Variants in SIPA1L2 observed in about 807,000 individuals in gnomAD.
The protein encoded by SIPA1L2 is signal-induced proliferation-associated 1-like protein 2.
Under a neutral mutation model 163.9 loss-of-function variants are expected in SIPA1L2, and 56 were observed. The observed-to-expected ratio is 0.34, with a 90% CI of 0.28 to 0.43. SIPA1L2 has a LOEUF of 0.43. SIPA1L2 is among the 20% of genes least tolerant of loss of function. SIPA1L2 has a pLI of 1.00. For synonymous variants in SIPA1L2, 877 were observed against 865.7 expected, an observed-to-expected ratio of 1.01 and a Z score of -0.23; for missense variants, 1,974 against 2,193.5, an observed-to-expected ratio of 0.90 and a Z score of 2.00.
intron 12 of SIPA1L2, among the ~76,000 whole-genome samples, chr1:232,442,400 T>C (rs7544621): frequency 0.011 from 1,697 of 151,612 alleles, 31 homozygotes; most frequent in African/African-American, 0.036. Context: ...ATACAAAAAT[T>C]AGCCAGGCGT....
At chr1:232,476,336 C>T (rs1469983195) in intron 7 of SIPA1L2, among the ~76,000 whole-genome samples, 1 of 152,124 alleles carries the variant, frequency 6.6e-6, no homozygotes, top group Admixed American at 6.6e-5. Flanking sequence ...CTCCACGAGG[C>T]GTCAGGTACC....
chr1:232,628,608 C>A (rs1291873076), intron 1 of SIPA1L2, among the ~76,000 whole-genome samples: 1 of 152,172 alleles, frequency 6.6e-6, no homozygotes, highest in Non-Finnish European at 1.5e-5. Flanking sequence ...AAATAATAGG[C>A]CACCTCTCAA....
At chr1:232,415,662 C>T in intron 18 of SIPA1L2, 37 bp from the exon 19 acceptor site, 1 of 1,612,972 alleles carries the variant, frequency 6.2e-7, no homozygotes, top group Non-Finnish European at 8.5e-7. Flanking sequence ...AGTCATCAGT[C>T]ACAGCACGGG....
rs113820274 is a variant in SIPA1L2, at chr1:232,436,323, G to A, written c.4031+2785C>T. Among the ~76,000 whole-genome samples the A allele has an allele frequency of 3.3e-5, 5 of 152,360 alleles. 1 individual carries two copies. The highest frequency in any genetic ancestry group is 1.2e-4 in the African/African-American group (5 of 41,594). On this transcript the variant is annotated intron_variant, in intron 15 of 22. Coordinates refer to ENST00000674635, the MANE Select transcript of SIPA1L2 (RefSeq NM_020808.5). ...TCCAGTGAGGAGAAGGTGGCGATAAGTGGCCTTCTTGTGGGAAGGAATATG... is the reference window on the plus strand; with the variant it reads ...TCCAGTGAGGAGAAGGTGGCGATAAATGGCCTTCTTGTGGGAAGGAATATG...
chr1:232,524,562 T>A (rs1224767350), intron 2 of SIPA1L2, among the ~76,000 whole-genome samples: 1 of 152,110 alleles, frequency 6.6e-6, no homozygotes, highest in Non-Finnish European at 1.5e-5. Context: ...TAAAAACTTA[T>A]ATAGAAAAAT....
chr1:232,512,489 G>C (rs550951994), intron 3 of SIPA1L2, among the ~76,000 whole-genome samples: 7 of 152,244 alleles, frequency 4.6e-5, no homozygotes, highest in African/African-American at 1.2e-4. Context: ...ATCAATGATA[G>C]ACTAGATAAA....
At chr1:232,410,002 T>C (rs1298697757) in intron 19 of SIPA1L2, among the ~76,000 whole-genome samples, 1 of 152,236 alleles carries the variant, frequency 6.6e-6, no homozygotes, top group African/African-American at 2.4e-5. Flanking sequence ...AACTTCATTT[T>C]GATCTTTTGT....
chr1:232,405,622 T>C (rs1451396184), intron 19 of SIPA1L2, among the ~76,000 whole-genome samples: 1 of 152,116 alleles, frequency 6.6e-6, no homozygotes, highest in African/African-American at 2.4e-5. Context: ...GCCCAGAATA[T>C]GGGAACACAT....
At chr1:232,444,829 C>T (rs1663114645) in intron 11 of SIPA1L2, among the ~76,000 whole-genome samples, 1 of 152,164 alleles carries the variant, frequency 6.6e-6, no homozygotes, top group African/African-American at 2.4e-5. Context: ...GTCTATCAGA[C>T]CAGAGCCTGA....
intron 2 of SIPA1L2, among the ~76,000 whole-genome samples, chr1:232,556,792 A>G (rs901635514): frequency 6.6e-6 from 1 of 151,994 alleles, no homozygotes; most frequent in East Asian, 1.9e-4. Flanking sequence ...CTGCAAAAAG[A>G]TAAGACAATT....
chr1:232,593,534 G>C (rs1661074428), intron 1 of SIPA1L2, among the ~76,000 whole-genome samples: 1 of 152,128 alleles, frequency 6.6e-6, no homozygotes, highest in Non-Finnish European at 1.5e-5. Context: ...TTTTAGTTTG[G>C]TTTCAGAATT....
At chr1:232,410,715 A>G (rs1660902498) in intron 19 of SIPA1L2, among the ~76,000 whole-genome samples, 1 of 152,178 alleles carries the variant, frequency 6.6e-6, no homozygotes, top group African/African-American at 2.4e-5. Context: ...TGCTCCCTGC[A>G]ACGTTTTCTT....
At chr1:232,505,842 C>T (rs1329339960) in intron 3 of SIPA1L2, among the ~76,000 whole-genome samples, 1 of 152,074 alleles carries the variant, frequency 6.6e-6, no homozygotes, top group Non-Finnish European at 1.5e-5. Flanking sequence ...GAATGTGTAT[C>T]TTAGAATAGT....
intron 19 of SIPA1L2, among the ~76,000 whole-genome samples, chr1:232,409,219 C>A (rs1181908963): frequency 6.6e-6 from 1 of 152,186 alleles, no homozygotes; most frequent in Non-Finnish European, 1.5e-5. Flanking sequence ...ATTAACTCTA[C>A]AAGTTAATTC....
chr1:232,619,921 T>C (rs541653887), intron 1 of SIPA1L2, among the ~76,000 whole-genome samples: 3 of 152,216 alleles, frequency 2.0e-5, no homozygotes, highest in Non-Finnish European at 4.4e-5. Context: ...AGTCTTGCTC[T>C]CTCACCAGGC....
intron 18 of SIPA1L2, among the ~76,000 whole-genome samples, chr1:232,425,079 G>A (rs1661807997): frequency 6.6e-6 from 1 of 152,114 alleles, no homozygotes; most frequent in Non-Finnish European, 1.5e-5. Flanking sequence ...CACGTCATCT[G>A]CACAGGAACA....
intron 1 of SIPA1L2, among the ~76,000 whole-genome samples, chr1:232,626,457 G>A (rs937989483): frequency 6.6e-6 from 1 of 152,062 alleles, no homozygotes; most frequent in South Asian, 2.1e-4. Context: ...TCAAGAAGCA[G>A]AACCTCAACA....
intron 18 of SIPA1L2, among the ~76,000 whole-genome samples, chr1:232,421,736 T>C (rs566571927): frequency 3.3e-5 from 5 of 152,342 alleles, no homozygotes; most frequent in African/African-American, 1.2e-4. Flanking sequence ...TATTACATTA[T>C]AACTAAAATA....
intron 15 of SIPA1L2, among the ~76,000 whole-genome samples, chr1:232,434,352 T>C (rs1381410413): frequency 6.6e-6 from 1 of 152,106 alleles, no homozygotes; most frequent in East Asian, 1.9e-4. Context: ...CGGTATTAAG[T>C]AAAATTAACC....
Sources: gnomAD v4.1 joint callset for allele counts (sites outside exome capture counted in the v4.1 genomes callset) on GRCh38, gnomAD v4.1.1 for gene constraint, MANE v1.5 for transcripts, NCBI Gene and HGNC (gene_info 2026-07-23, HGNC 2026-07-21) for gene names.